Variants in BLTP3B observed in about 807,000 individuals in gnomAD.
BLTP3B encodes the protein bridge-like lipid transfer protein family member 3B.
At chr12:100,106,369 C>T in the BLTP3B span, among the ~76,000 whole-genome samples, 4 of 151,576 alleles carry the variant, frequency 2.6e-5, no homozygotes, top group African/African-American at 9.7e-5. Flanking sequence ...TGCCCATCAA[C>T]CTATGAGTGG....
the BLTP3B span, among the ~76,000 whole-genome samples, chr12:100,046,588 TG>T: frequency 2.8e-4 from 6 of 21,654 alleles, no homozygotes; most frequent in African/African-American, 4.3e-4. Flanking sequence ...AGGTGGGGGC[TG>T]GGGGGAGGGA....
chr12:100,041,719 G>A, the BLTP3B span, among the ~76,000 whole-genome samples: 1 of 152,096 alleles, frequency 6.6e-6, no homozygotes, highest in Admixed American at 6.6e-5. Context: ...ACAGGCGTGA[G>A]CCACCGCGCC....
At chr12:100,058,822 T>G in the BLTP3B span, 1 of 1,613,986 alleles carries the variant, frequency 6.2e-7, no homozygotes, top group Non-Finnish European at 8.5e-7. Flanking sequence ...TAGTGATTAA[T>G]CTGCATACTG....
At chr12:100,074,876 A>G in the BLTP3B span, among the ~76,000 whole-genome samples, 12 of 152,252 alleles carry the variant, frequency 7.9e-5, no homozygotes, top group East Asian at 2.1e-3. Context: ...CAGAAATAAA[A>G]TCGCACACCT....
chr12:100,091,345 GC>G, the BLTP3B span, among the ~76,000 whole-genome samples: 1 of 150,696 alleles, frequency 6.6e-6, no homozygotes, highest in South Asian at 2.1e-4. Context: ...CCGCCACCAC[GC>G]CCAGCTAATT....
At chr12:100,050,328 A>T in the BLTP3B span, 15 of 1,590,216 alleles carry the variant, frequency 9.4e-6, no homozygotes, top group Non-Finnish European at 1.3e-5. Context: ...TCTATTAATG[A>T]TTGCATAAAT....
chr12:100,108,119 T>C, the BLTP3B span, among the ~76,000 whole-genome samples: 1 of 152,188 alleles, frequency 6.6e-6, no homozygotes, highest in Admixed American at 6.5e-5. Context: ...ACCAAATGGA[T>C]GCAATTATTT....
At chr12:100,128,826 G>A in the BLTP3B span, 1 of 1,029,412 alleles carries the variant, frequency 9.7e-7, no homozygotes, top group Non-Finnish European at 1.2e-6. Context: ...GGTGCCCTTT[G>A]GAAAAAAAAA....
chr12:100,076,697 T>C, the BLTP3B span, among the ~76,000 whole-genome samples: 1 of 152,222 alleles, frequency 6.6e-6, no homozygotes, highest in African/African-American at 2.4e-5. Context: ...CCCAGCCAAA[T>C]TGCTTAATCA....
At chr12:100,072,808 A>G in the BLTP3B span, 2 of 1,587,168 alleles carry the variant, frequency 1.3e-6, no homozygotes, top group African/African-American at 2.7e-5. Flanking sequence ...GTTCCGCTGT[A>G]GAGACCTGAA....
the BLTP3B span, chr12:100,037,469 T>C: frequency 7.0e-7 from 1 of 1,431,856 alleles, no homozygotes. Context: ...ATGCCCGTAC[T>C]AATACTTTCT....
At chr12:100,132,062 G>A in the BLTP3B span, among the ~76,000 whole-genome samples, 1 of 152,134 alleles carries the variant, frequency 6.6e-6, no homozygotes, top group Non-Finnish European at 1.5e-5. Context: ...AAAGTGCTGG[G>A]ATTACAGGCG....
chr12:100,043,917 A>C, the BLTP3B span, among the ~76,000 whole-genome samples: 1 of 152,150 alleles, frequency 6.6e-6, no homozygotes, highest in African/African-American at 2.4e-5. Flanking sequence ...TCAGTCATGC[A>C]GTCCTCTTGG....
At chr12:100,111,575 A>G in the BLTP3B span, among the ~76,000 whole-genome samples, 1 of 151,380 alleles carries the variant, frequency 6.6e-6, no homozygotes, top group Admixed American at 6.6e-5. Flanking sequence ...ACATGCCACC[A>G]TGCTCAGCTA....
the BLTP3B span, among the ~76,000 whole-genome samples, chr12:100,044,403 T>C: frequency 6.6e-6 from 1 of 152,204 alleles, no homozygotes; most frequent in East Asian, 1.9e-4. Context: ...TGTCATTTCA[T>C]GAGGTTTTTG....
chr12:100,114,084 A>G, the BLTP3B span, among the ~76,000 whole-genome samples: 84 of 152,350 alleles, frequency 5.5e-4, no homozygotes, highest in Non-Finnish European at 1.1e-3. Flanking sequence ...CTGTAATTCA[A>G]TATTTAATGG....
the BLTP3B span, among the ~76,000 whole-genome samples, chr12:100,088,265 A>C: frequency 2.6e-5 from 4 of 152,186 alleles, no homozygotes; most frequent in African/African-American, 9.6e-5. Context: ...AGGTAGGCCT[A>C]CCTGCTGAAC....
the BLTP3B span, among the ~76,000 whole-genome samples, chr12:100,045,156 T>C: frequency 6.6e-6 from 1 of 152,110 alleles, no homozygotes; most frequent in Non-Finnish European, 1.5e-5. Flanking sequence ...ATCAATATCG[T>C]GAAAATGGCC....
the BLTP3B span, among the ~76,000 whole-genome samples, chr12:100,041,144 A>G: frequency 6.6e-6 from 1 of 152,242 alleles, no homozygotes; most frequent in Non-Finnish European, 1.5e-5. Context: ...AGGAATGCAA[A>G]TGTATCTATC....
Sources: allele counts gnomAD v4.1 joint callset (sites outside exome capture counted in the v4.1 genomes callset), GRCh38; gene constraint gnomAD v4.1.1; transcripts MANE v1.5; gene names NCBI Gene and HGNC (gene_info 2026-07-23, HGNC 2026-07-21).